ABCF2: variants seen among roughly 807,000 people sequenced by gnomAD.
The protein encoded by ABCF2 is ATP binding cassette subfamily F member 2, also known as ATP-binding cassette sub-family F member 2.
ABCF2 carries 37 observed loss-of-function variants against 76.9 expected under a neutral mutation model. The ratio of observed to expected loss-of-function variants is 0.48; its 90% CI spans 0.37 to 0.63. The LOEUF (loss-of-function observed/expected upper bound fraction) is 0.63, where lower values mean the gene tolerates loss of function less well. ABCF2 is among the 30% of genes least tolerant of loss of function. The pLI, the probability that ABCF2 is intolerant of heterozygous loss-of-function variation, is 0.00. For synonymous variants in ABCF2, 299 were observed against 283.7 expected (o/e 1.05, Z -0.54); for missense variants, 524 against 782.1 (o/e 0.67, Z 3.94).
At position 151,215,493 on chromosome 7, in the gene ABCF2, ACT is replaced by A. The variant is rs1802131461; in HGVS notation, c.1530+109_1530+110del. ...TTCTTAGGGGAGTCAAATGGAGGAGACTCTGGTTTGGACAGCTTCCAAACCCA... is the reference window on the plus strand; with the variant it reads ...TTCTTAGGGGAGTCAAATGGAGGAGACTGGTTTGGACAGCTTCCAAACCCA... On this transcript the variant is annotated intron_variant, in intron 13 of 14. Transcript: ENST00000287844. The surrounding 1 kb of genome is among the most constrained non-coding windows in gnomAD (Gnocchi z 4.6). 1.5e-6 allele frequency: 2 copies of A among 1,341,710 alleles called. No homozygotes were observed. The highest frequency in any genetic ancestry group is 2.3e-5 in the East Asian group (1 of 43,434). 83.1% of individuals were successfully genotyped at this position (1,341,710 alleles called of 1,614,324 possible).
chr7:151,224,194 A>G, intron 3 of ABCF2, 80 bp from the exon 4 acceptor site: 3 of 1,425,176 alleles, frequency 2.1e-6, no homozygotes, highest in Non-Finnish European at 2.9e-6. Context: ...ACCCCAGTCA[A>G]ACTGGGACCT....
At chr7:151,220,438 G>A (rs528826719) in intron 7 of ABCF2, among the ~76,000 whole-genome samples, 29 of 149,054 alleles carry the variant, frequency 1.9e-4, no homozygotes, top group African/African-American at 6.7e-4. Flanking sequence ...AAAAGATTAC[G>A]TATACATGAC....
At chr7:151,216,648 T>G (rs1802156891) in intron 11 of ABCF2, among the ~76,000 whole-genome samples, 1 of 152,120 alleles carries the variant, frequency 6.6e-6, no homozygotes, top group African/African-American at 2.4e-5. Flanking sequence ...TAGCTGGGAT[T>G]ACAGACACCC....
chr7:151,219,480 A>G (rs1478981352), intron 7 of ABCF2, among the ~76,000 whole-genome samples: 1 of 152,156 alleles, frequency 6.6e-6, no homozygotes, highest in Non-Finnish European at 1.5e-5. Flanking sequence ...GAGCCTTCCA[A>G]TACCACCTCC....
In ABCF2 at chr7:151,224,968, C is replaced by G; in HGVS notation, c.175G>C (p.Glu59Gln). 6.2e-7 allele frequency: 1 copy of G among 1,614,132 alleles called. No homozygotes were observed. The highest frequency in any genetic ancestry group is 8.5e-7 in the Non-Finnish European group (1 of 1,180,052). ...TTCTTCATCTCAAAGTCCTCTAGCT[C>G]CTTGGTCAGCAAATCTACTTCTGCG... Reference protein sequence around the residue: ...ETTEVDLLTKELEDFEMKKAA... With the variant: ...ETTEVDLLTKQLEDFEMKKAA... The change falls in exon 3 of 15, where the codon GAG becomes CAG. Residue 59 changes from glutamate to glutamine, a missense_variant. Glu to Gln is a conservative substitution (Grantham distance 29, BLOSUM62 2). Transcript: ENST00000287844.
rs1177672822 is a variant in ABCF2 at position 151,218,583 on chromosome 7, C to T, written c.1205G>A (p.Ser402Asn). ...TACCCCATCTTTTGTATACTTGAAG[C>T]TCACATTTTGCACCATAATGACAGG... is the stretch of plus-strand genomic sequence containing the variant. ...PPPVIMVQNVSFKYTKDGPCI... is the reference protein window; with the variant it reads ...PPPVIMVQNVNFKYTKDGPCI... The change falls in exon 10 of 15, where the codon AGC (serine) becomes AAC (asparagine). Residue 402 changes from serine to asparagine, a missense_variant. Ser to Asn is a conservative substitution (Grantham distance 46). This residue lies in a region of ABCF2 where 194 missense variants were observed against 348.6 expected (regional missense o/e 0.56). Coordinates refer to ENST00000287844, the MANE Select transcript of ABCF2 (RefSeq NM_007189.3). 7 of 1,614,084 alleles carry T rather than the reference C, an allele frequency of 4.3e-6. No homozygotes were observed. The East Asian group carries it at 1.3e-4, about 31-fold the overall frequency.
Position 151,212,007 on chromosome 7 carries a change from T to C in ABCF2, c.*2047A>G. 1.0e-6 allele frequency: 1 copy of C among 965,218 alleles called. No homozygotes were observed. Among genetic ancestry groups the C allele is most frequent in the Non-Finnish European group, 1.2e-6 (1 of 811,544 alleles). The allele number at this position is 965,218 out of a possible 1,614,324, so 59.8% of individuals were successfully genotyped here. On this transcript the variant is annotated 3_prime_UTR_variant, in exon 15 of 15. Coordinates refer to ENST00000287844, the MANE Select transcript of ABCF2 (RefSeq NM_007189.3). ...TCTGGGCAGCTACTCACAAGAAATT[T>C]CCCTCCTTTTTGAATACTTCTGTCT...
intron 2 of ABCF2, among the ~76,000 whole-genome samples, chr7:151,225,343 C>T (rs1292538425): frequency 3.3e-5 from 5 of 152,266 alleles, no homozygotes; most frequent in Middle Eastern, 3.4e-3. Context: ...CCTCTTCAAA[C>T]ATTTACTTAG....
Position 151,215,912 on chromosome 7 carries a change from AC to A in ABCF2, c.1401+54del. The A allele has an allele frequency of 1.9e-6, 3 of 1,599,182 alleles. No individual in the cohort carries two copies. Among genetic ancestry groups the A allele is most frequent in the Non-Finnish European group, 2.6e-6 (3 of 1,168,048 alleles). ...GCGGCTGGCTGGAACTCAGCCAGAT[AC>A]AGCCCCTCCCTATACCCTGGGCAAT... On this transcript the variant is annotated intron_variant, in intron 12 of 14. Coordinates refer to ENST00000287844, the MANE Select transcript of ABCF2 (RefSeq NM_007189.3). The surrounding 1 kb of genome is among the most constrained non-coding windows in gnomAD (Gnocchi z 4.6).
Position 151,214,869 on chromosome 7 carries a change from A to T in ABCF2, c.1734+10T>A, listed in dbSNP as rs1047593501. 2.5e-6 allele frequency: 4 copies of T among 1,614,038 alleles called. No homozygotes were observed. Among genetic ancestry groups the T allele is most frequent in the Non-Finnish European group, 3.4e-6 (4 of 1,179,894 alleles). On this transcript the variant is annotated intron_variant, in intron 14 of 14. Coordinates refer to ENST00000287844, the MANE Select transcript of ABCF2 (RefSeq NM_007189.3). This position sits in a 1 kb window ranked among gnomAD's most constrained non-coding sequence, Gnocchi z 4.9. The stretch of plus-strand genomic sequence containing the variant: ...CTCTGCTGTGCCTCACCCCCTGGCC[A>T]GGGCCTCACCTGCTGAATGAGTCTG...
intron 1 of ABCF2, 65 bp from the exon 2 acceptor site, chr7:151,226,565 T>C (rs941844402): frequency 1.7e-6 from 2 of 1,179,182 alleles, no homozygotes; most frequent in Non-Finnish European, 2.3e-6. Context: ...TGGGCCCTGC[T>C]CCATCCCTCT....
At chr7:151,223,037 TC>T (rs1247588658) in intron 5 of ABCF2, among the ~76,000 whole-genome samples, 15 of 152,190 alleles carry the variant, frequency 9.9e-5, no homozygotes, top group Non-Finnish European at 8.8e-5. Flanking sequence ...AAGCTCTGGT[TC>T]CCAAACCAGA....
chr7:151,226,357 G>C lies in ABCF2; in HGVS notation c.102C>G (p.Val34=). Residue 34 remains valine, a synonymous_variant, in exon 2 of 15, where the codon GTC becomes GTG. Transcript: ENST00000287844. ...TCTTCTCTGCCACCTGTGGTTCTGT[G>C]ACAACATCTCCATTTTCTTCATGTC... ...RKGHEENGDV[V]TEPQVAEKNE... 2 of 1,614,084 alleles carry C rather than the reference G, an allele frequency of 1.2e-6. No homozygotes were observed. Among genetic ancestry groups the C allele is most frequent in the African/African-American group, 2.7e-5 (2 of 75,020 alleles).
At chr7:151,224,528 G>A (rs1157172819) in intron 3 of ABCF2, among the ~76,000 whole-genome samples, 2 of 152,176 alleles carry the variant, frequency 1.3e-5, no homozygotes, top group South Asian at 2.1e-4. Context: ...ATGCTCAGCC[G>A]GTAAGTATAA....
In ABCF2 at chr7:151,212,132, A is replaced by G; in HGVS notation, c.*1922T>C. On this transcript the variant is annotated 3_prime_UTR_variant, in exon 15 of 15. Coordinates refer to ENST00000287844, the MANE Select transcript of ABCF2 (RefSeq NM_007189.3). ...TGAGCTCCTAAGGGGTTTAAGCACCATCTGGGACAGTTGCTCCCGCCAGTC... is the reference window on the plus strand; with the variant it reads ...TGAGCTCCTAAGGGGTTTAAGCACCGTCTGGGACAGTTGCTCCCGCCAGTC... 1 of 985,390 alleles carries G rather than the reference A, an allele frequency of 1.0e-6. No individual in the cohort carries two copies. The highest frequency in any genetic ancestry group is 1.2e-6 in the Non-Finnish European group (1 of 829,882). 61.0% of individuals were successfully genotyped at this position (985,390 alleles called of 1,614,324 possible). A position where few individuals can be genotyped will look rare whatever the true frequency, so the allele number is the denominator to read the frequency against.
rs1330846153 is a variant in ABCF2 at position 151,215,085 on chromosome 7, G to A, written c.1531-3C>T. 1 of 1,611,228 alleles carries A rather than the reference G, an allele frequency of 6.2e-7. No individual in the cohort carries two copies. Among genetic ancestry groups the A allele is most frequent in the African/African-American group, 1.3e-5 (1 of 74,876 alleles). On this transcript the variant is annotated splice_polypyrimidine_tract_variant and splice_region_variant and intron_variant, in intron 13 of 14. Coordinates refer to ENST00000287844, the MANE Select transcript of ABCF2 (RefSeq NM_007189.3). The surrounding 1 kb of genome is among the most constrained non-coding windows in gnomAD (Gnocchi z 4.6). ...GACAAGTTCCGGATTGGGCTCACCT[G>A]AGTAGAACCGTGACCTACATATAAC... is the stretch of plus-strand genomic sequence containing the variant.
At chr7:151,224,148 T>C (rs1256794668) in intron 3 of ABCF2, 34 bp from the exon 4 acceptor site, 1 of 1,607,172 alleles carries the variant, frequency 6.2e-7, no homozygotes, top group South Asian at 1.1e-5. Context: ...CTTGGTACAG[T>C]GAACTCCCCT....
chr7:151,220,195 T>A (rs902272515), intron 7 of ABCF2, among the ~76,000 whole-genome samples: 11 of 76,398 alleles, frequency 1.4e-4, no homozygotes, highest in African/African-American at 3.3e-4. Flanking sequence ...AGGGAGACCA[T>A]CCTGGCCAAT....
intron 8 of ABCF2, 93 bp downstream of exon 8, chr7:151,218,971 C>T (rs1278510246): frequency 3.1e-6 from 5 of 1,609,682 alleles, no homozygotes; most frequent in Non-Finnish European, 4.2e-6. Context: ...TTCCCGACAT[C>T]CTCCATCACT....
Sources: allele counts gnomAD v4.1 joint callset (sites outside exome capture counted in the v4.1 genomes callset), GRCh38; gene constraint gnomAD v4.1.1; regional missense constraint gnomAD v4.1.1; non-coding constraint Gnocchi (gnomAD v3.1); transcripts MANE v1.5; gene names NCBI Gene and HGNC (gene_info 2026-07-23, HGNC 2026-07-21).